FOXL2NB: variants seen among roughly 807,000 people sequenced by gnomAD.
FOXL2NB encodes FOXL2 neighbor protein.
FOXL2NB carries 10 observed loss-of-function variants against 7.4 expected under a neutral mutation model. The observed-to-expected ratio is 1.34, with a 90% CI of 0.83 to 2.28. The LOEUF (loss-of-function observed/expected upper bound fraction) is 2.28. Ranked by LOEUF, FOXL2NB falls within the 30% of genes most tolerant of loss-of-function variation. The probability of loss-of-function intolerance (pLI) is 0.00; values close to 1 mark genes in which losing one functional copy is unlikely to be tolerated. For missense variants in FOXL2NB, 228 were observed against 233.9 expected (o/e 0.97, Z 0.17); for synonymous variants, 104 against 105.3 (o/e 0.99, Z 0.08).
chr3:138,947,246 C>A lies in FOXL2NB; in HGVS notation c.-119C>A. Reference sequence around the variant, plus strand: ...TCATCTCCAAGTCACTTTTTGTAAACGCCCCGCACAGCCTGGACCGGCCTG... The same window carrying A: ...TCATCTCCAAGTCACTTTTTGTAAAAGCCCCGCACAGCCTGGACCGGCCTG... On this transcript the variant is annotated 5_prime_UTR_variant, in exon 1 of 3. Transcript: ENST00000383165. This position sits in a 1 kb window ranked among gnomAD's most constrained non-coding sequence, Gnocchi z 5.2. 3 of 782,388 alleles carry A rather than the reference C, an allele frequency of 3.8e-6. No homozygotes were observed. The highest frequency in any genetic ancestry group is 4.0e-6 in the Non-Finnish European group (2 of 495,796). The allele number at this position is 782,388 out of a possible 1,614,324, so 48.5% of individuals were successfully genotyped here.
chr3:138,950,362 C>G lies in FOXL2NB; in HGVS notation c.318C>G (p.Gly106=), dbSNP rs1559924787. The change falls in exon 3 of 3, where the codon GGC becomes GGG. Residue 106 remains glycine (G), a synonymous_variant. Transcript: ENST00000383165. ...LGKRRGCSEA[G]SASLEPLSSS... ...AGCGTCGCGGCTGCTCTGAGGCAGG[C>G]AGCGCTTCGCTAGAACCACTCAGCT... 2 of 1,611,950 alleles carry G rather than the reference C, an allele frequency of 1.2e-6. No homozygotes were observed. The highest frequency in any genetic ancestry group is 1.1e-5 in the South Asian group (1 of 91,022).
At position 138,949,481 on chromosome 3, in the gene FOXL2NB, C is replaced by A; in HGVS notation, c.101-39C>A. ...TTTCAGAATAGAAAGGAGTTCTGCT[C>A]TGAAAATACTGATTTCTGACTGTCC... On this transcript the variant is annotated intron_variant, in intron 1 of 2. Coordinates refer to ENST00000383165, the MANE Select transcript of FOXL2NB (RefSeq NM_001040061.3). The surrounding 1 kb of genome is among the most constrained non-coding windows in gnomAD (Gnocchi z 4.5). The A allele has an allele frequency of 1.2e-6, 2 of 1,612,870 alleles. No homozygotes were observed. The highest frequency in any genetic ancestry group is 2.2e-5 in the South Asian group (2 of 90,898).
rs1401049454 is a variant in FOXL2NB at position 138,953,048 on chromosome 3, C to G, written c.*2476C>G. 6.8e-6 allele frequency: 1 copy of G among 146,914 alleles called. No individual in the cohort carries two copies. The highest frequency in any genetic ancestry group is 2.5e-5 in the African/African-American group (1 of 39,932). The allele number at this position is 146,914 out of a possible 1,614,324, so 9.1% of individuals were successfully genotyped here. A position where few individuals can be genotyped will look rare whatever the true frequency, so the allele number is the denominator to read the frequency against. On this transcript the variant is annotated 3_prime_UTR_variant, in exon 3 of 3. Coordinates refer to ENST00000383165, the MANE Select transcript of FOXL2NB (RefSeq NM_001040061.3). ...TTTTTTCTTCTTTTTGAGACAGAGT[C>G]TCACTCTGTTGCCCAGGCTGGAGTG...
chr3:138,950,127 G>T (rs1207091120), intron 2 of FOXL2NB, 138 bp from the exon 3 acceptor site: 1 of 941,338 alleles, frequency 1.1e-6, no homozygotes, highest in East Asian at 2.6e-5. Flanking sequence ...GCCGCCTGCG[G>T]ATACGGTTCC....
rs1464170132 is a variant in FOXL2NB at position 138,952,247 on chromosome 3, A to C, written c.*1675A>C. On this transcript the variant is annotated 3_prime_UTR_variant, in exon 3 of 3. Coordinates refer to ENST00000383165, the MANE Select transcript of FOXL2NB (RefSeq NM_001040061.3). ...GCACGCTAACCCATGAGGGGATGCC[A>C]GAGAGAGCCCTTCCCCCTTGGTCCT... 1 of 152,196 alleles carries C rather than the reference A, an allele frequency of 6.6e-6. No homozygotes were observed. The highest frequency in any genetic ancestry group is 1.5e-5 in the Non-Finnish European group (1 of 68,050). The allele number at this position is 152,196 out of a possible 1,614,324, so 9.4% of individuals were successfully genotyped here. A position where few individuals can be genotyped will look rare whatever the true frequency, so the allele number is the denominator to read the frequency against.
At position 138,947,565 on chromosome 3, in the gene FOXL2NB, G is replaced by A. The variant is rs905813853; in HGVS notation, c.100+101G>A. ...GGGCGAGACGGCGAGGGGGCTGGAC[G>A]GGGTAGGGTGGGGAGAGCTGCTCTG... On this transcript the variant is annotated intron_variant, in intron 1 of 2. Coordinates refer to ENST00000383165, the MANE Select transcript of FOXL2NB (RefSeq NM_001040061.3). This position sits in a 1 kb window ranked among gnomAD's most constrained non-coding sequence, Gnocchi z 5.2. The A allele has an allele frequency of 1.9e-4, 275 of 1,459,752 alleles. No homozygotes were observed. Among genetic ancestry groups the A allele is most frequent in the Middle Eastern group, 1.7e-3 (9 of 5,450 alleles). The allele number at this position is 1,459,752 out of a possible 1,614,324, so 90.4% of individuals were successfully genotyped here.
chr3:138,950,645 G>C lies in FOXL2NB; in HGVS notation c.*73G>C. ...CTCCCGGCCCCTCACAGGGCCCTTTGCACCCACACCTCAGGGACTCGGTGT... is the reference window on the plus strand; with the variant it reads ...CTCCCGGCCCCTCACAGGGCCCTTTCCACCCACACCTCAGGGACTCGGTGT... On this transcript the variant is annotated 3_prime_UTR_variant, in exon 3 of 3. Transcript: ENST00000383165. 6.5e-7 allele frequency: 1 copy of C among 1,529,006 alleles called. No individual in the cohort carries two copies. The highest frequency in any genetic ancestry group is 9.0e-7 in the Non-Finnish European group (1 of 1,115,752). 94.7% of individuals were successfully genotyped at this position (1,529,006 alleles called of 1,614,324 possible).
At chr3:138,950,243 A>G (rs780154149) in intron 2 of FOXL2NB, 22 bp from the exon 3 acceptor site, 1 of 1,603,954 alleles carries the variant, frequency 6.2e-7, no homozygotes, top group African/African-American at 1.3e-5. Context: ...CACGGCTCTG[A>G]TACAGACGCT....
chr3:138,950,680 C>A lies in FOXL2NB; in HGVS notation c.*108C>A. On this transcript the variant is annotated 3_prime_UTR_variant, in exon 3 of 3. Coordinates refer to ENST00000383165, the MANE Select transcript of FOXL2NB (RefSeq NM_001040061.3). Reference sequence around the variant, plus strand: ...CTCAGGGACTCGGTGTCCCTCCACTCAGGTCACGTTACTCCATCCACTTCT... The same window carrying A: ...CTCAGGGACTCGGTGTCCCTCCACTAAGGTCACGTTACTCCATCCACTTCT... 8.5e-7 allele frequency: 1 copy of A among 1,179,650 alleles called. No individual in the cohort carries two copies. Among genetic ancestry groups the A allele is most frequent in the Non-Finnish European group, 1.2e-6 (1 of 812,298 alleles). 73.1% of individuals were successfully genotyped at this position (1,179,650 alleles called of 1,614,324 possible). A position where few individuals can be genotyped will look rare whatever the true frequency, so the allele number is the denominator to read the frequency against.
rs1367261066 is a variant in FOXL2NB at position 138,952,520 on chromosome 3, T to C, written c.*1948T>C. ...TATAACTTTATGAAACACTTTTTTT[T>C]TTTTTGAGACAGGGTCTCACTCTGT... On this transcript the variant is annotated 3_prime_UTR_variant, in exon 3 of 3. Coordinates refer to ENST00000383165, the MANE Select transcript of FOXL2NB (RefSeq NM_001040061.3). 2.6e-5 allele frequency: 4 copies of C among 152,314 alleles called. No homozygotes were observed. Among genetic ancestry groups the C allele is most frequent in the Non-Finnish European group, 5.8e-5 (4 of 68,500 alleles). The allele number at this position is 152,314 out of a possible 1,614,324, so 9.4% of individuals were successfully genotyped here.
Position 138,950,685 on chromosome 3 carries a change from C to A in FOXL2NB, c.*113C>A. ...GGACTCGGTGTCCCTCCACTCAGGT[C>A]ACGTTACTCCATCCACTTCTCTCTC... On this transcript the variant is annotated 3_prime_UTR_variant, in exon 3 of 3. Coordinates refer to ENST00000383165, the MANE Select transcript of FOXL2NB (RefSeq NM_001040061.3). 1 of 1,083,236 alleles carries A rather than the reference C, an allele frequency of 9.2e-7. No individual in the cohort carries two copies. The highest frequency in any genetic ancestry group is 1.4e-6 in the Non-Finnish European group (1 of 731,510). The allele number at this position is 1,083,236 out of a possible 1,614,324, so 67.1% of individuals were successfully genotyped here.
At position 138,947,220 on chromosome 3, in the gene FOXL2NB, T is replaced by G; in HGVS notation, c.-145T>G. On this transcript the variant is annotated 5_prime_UTR_variant, in exon 1 of 3. Transcript: ENST00000383165. The surrounding 1 kb of genome is among the most constrained non-coding windows in gnomAD (Gnocchi z 5.2). The stretch of plus-strand genomic sequence containing the variant: ...GGGCGGCCAGCCGCGCACGGGCGAG[T>G]TCATCTCCAAGTCACTTTTTGTAAA... 1 of 648,726 alleles carries G rather than the reference T, an allele frequency of 1.5e-6. No homozygotes were observed. Among genetic ancestry groups the G allele is most frequent in the Non-Finnish European group, 2.6e-6 (1 of 388,040 alleles). The allele number at this position is 648,726 out of a possible 1,614,324, so 40.2% of individuals were successfully genotyped here.
chr3:138,950,692 CTCCA>C lies in FOXL2NB; in HGVS notation c.*125_*128del. On this transcript the variant is annotated 3_prime_UTR_variant, in exon 3 of 3. Transcript: ENST00000383165. ...GTGTCCCTCCACTCAGGTCACGTTA[CTCCA>C]TCCACTTCTCTCTCCTTCTCCCTCT... 2.0e-6 allele frequency: 2 copies of C among 1,007,848 alleles called. No homozygotes were observed. The highest frequency in any genetic ancestry group is 2.3e-5 in the Admixed American group (1 of 42,634). 62.4% of individuals were successfully genotyped at this position (1,007,848 alleles called of 1,614,324 possible). A position where few individuals can be genotyped will look rare whatever the true frequency, so the allele number is the denominator to read the frequency against.
chr3:138,949,391 C>CGTGCGTGTGTGTGTGTGTGT lies in FOXL2NB; in HGVS notation c.101-126_101-125insCGTGTGTGTGTGTGTGTGTG, dbSNP rs1553753221. The CGTGCGTGTGTGTGTGTGTGT allele has an allele frequency of 3.7e-6, 3 of 818,024 alleles. No individual in the cohort carries two copies. The highest frequency in any genetic ancestry group is 1.8e-5 in the African/African-American group (1 of 54,434). 50.7% of individuals were successfully genotyped at this position (818,024 alleles called of 1,614,324 possible). On this transcript the variant is annotated intron_variant, in intron 1 of 2. Transcript: ENST00000383165. The surrounding 1 kb of genome is among the most constrained non-coding windows in gnomAD (Gnocchi z 4.5). ...AAGAGCCTGTGTGTGTATGCATGTG[C>CGTGCGTGTGTGTGTGTGTGT]GTGTGTGTGTGTGTGTGTGTGTGTG...
chr3:138,947,696 G>C lies in FOXL2NB; in HGVS notation c.100+232G>C, dbSNP rs1183371161. ...GTGACTGGGCTGGAATGGGGCAGGG[G>C]AGAGGATCTCTGGAAATAGTCGTCA... On this transcript the variant is annotated intron_variant, in intron 1 of 2. Coordinates refer to ENST00000383165, the MANE Select transcript of FOXL2NB (RefSeq NM_001040061.3). This position sits in a 1 kb window ranked among gnomAD's most constrained non-coding sequence, Gnocchi z 5.2. The C allele has an allele frequency of 1.7e-5, 22 of 1,281,828 alleles. No homozygotes were observed. Among genetic ancestry groups the C allele is most frequent in the Non-Finnish European group, 2.2e-5 (22 of 1,016,210 alleles). 79.4% of individuals were successfully genotyped at this position (1,281,828 alleles called of 1,614,324 possible).
At chr3:138,948,607 G>T (rs532549994) in intron 1 of FOXL2NB, among the ~76,000 whole-genome samples, 4 of 152,278 alleles carry the variant, frequency 2.6e-5, no homozygotes, top group East Asian at 3.9e-4. Flanking sequence ...TTAGTGATTG[G>T]CATGTCTGGA....
rs1936126053 is a variant in FOXL2NB at position 138,951,282 on chromosome 3, G to T, written c.*710G>T. 1 of 152,248 alleles carries T rather than the reference G, an allele frequency of 6.6e-6. No individual in the cohort carries two copies. The highest frequency in any genetic ancestry group is 2.4e-5 in the African/African-American group (1 of 41,438). 9.4% of individuals were successfully genotyped at this position (152,248 alleles called of 1,614,324 possible). A position where few individuals can be genotyped will look rare whatever the true frequency, so the allele number is the denominator to read the frequency against. On this transcript the variant is annotated 3_prime_UTR_variant, in exon 3 of 3. Coordinates refer to ENST00000383165, the MANE Select transcript of FOXL2NB (RefSeq NM_001040061.3). ...GAGAGAGAGAGATATTGAGGAAGAG[G>T]AAAGAGAAGCGACCTCCTACTCTGG...
rs906527979 is a variant in FOXL2NB, at chr3:138,952,877, G to C, written c.*2305G>C. 6.6e-6 allele frequency: 1 copy of C among 151,648 alleles called. No individual in the cohort carries two copies. The highest frequency in any genetic ancestry group is 6.6e-5 in the Admixed American group (1 of 15,198). 9.4% of individuals were successfully genotyped at this position (151,648 alleles called of 1,614,324 possible). On this transcript the variant is annotated 3_prime_UTR_variant, in exon 3 of 3. Transcript: ENST00000383165. ...AGTTTTGGGGGAACAGGTGGTTTTT[G>C]CTTACATGGATAAGTTCTTTAATGG...
intron 1 of FOXL2NB, among the ~76,000 whole-genome samples, chr3:138,948,700 C>G (rs892281247): frequency 3.3e-5 from 5 of 152,214 alleles, no homozygotes; most frequent in African/African-American, 1.2e-4. Flanking sequence ...AAGGAGCCTT[C>G]AGCGGCCTGT....
Sources: allele counts gnomAD v4.1 joint callset (sites outside exome capture counted in the v4.1 genomes callset), GRCh38; gene constraint gnomAD v4.1.1; non-coding constraint Gnocchi (gnomAD v3.1); transcripts MANE v1.5; gene names NCBI Gene and HGNC (gene_info 2026-07-23, HGNC 2026-07-21).